STIM2: variants seen among roughly 807,000 people sequenced by gnomAD.
STIM2 encodes the protein stromal interaction molecule 2.
In STIM2, 31 loss-of-function variants were observed where a neutral mutation model predicts 85.8. The observed-to-expected ratio is 0.36, with a 90% CI of 0.27 to 0.49. The LOEUF (loss-of-function observed/expected upper bound fraction) is 0.49. Ranked by LOEUF, STIM2 falls within the 20% of genes least tolerant of loss-of-function variation. The pLI is 0.98. For synonymous variants in STIM2, 356 were observed against 331.1 expected (o/e 1.08, Z -0.82); for missense variants, 841 against 927.6 (o/e 0.91, Z 1.21).
intron 2 of STIM2, among the ~76,000 whole-genome samples, chr4:26,951,743 A>T (rs1323906079): frequency 6.6e-6 from 1 of 152,148 alleles, no homozygotes; most frequent in Non-Finnish European, 1.5e-5. Context: ...AGTGAATATT[A>T]ACATGAATAT....
chr4:26,958,963 GA>G (rs997090854), intron 3 of STIM2, among the ~76,000 whole-genome samples: 2 of 152,044 alleles, frequency 1.3e-5, no homozygotes, highest in African/African-American at 2.4e-5. Flanking sequence ...TTTGAATGAA[GA>G]AAAAAATATT....
chr4:26,930,249 G>C (rs1725155276), intron 2 of STIM2, among the ~76,000 whole-genome samples: 1 of 152,012 alleles, frequency 6.6e-6, no homozygotes, highest in Admixed American at 6.6e-5. Flanking sequence ...AGAAATTAAT[G>C]GTTTTGTTGC....
intron 2 of STIM2, among the ~76,000 whole-genome samples, chr4:26,936,319 T>A (rs1409453496): frequency 6.6e-6 from 1 of 152,248 alleles, no homozygotes; most frequent in Non-Finnish European, 1.5e-5. Context: ...ATTTACCAAC[T>A]GCTGTTGAGT....
intron 1 of STIM2, among the ~76,000 whole-genome samples, chr4:26,890,438 A>C (rs1577418778): frequency 6.6e-6 from 1 of 152,108 alleles, no homozygotes; most frequent in African/African-American, 2.4e-5. Flanking sequence ...GATAGCACCC[A>C]GTTCATAATG....
intron 1 of STIM2, among the ~76,000 whole-genome samples, chr4:26,876,789 G>C (rs528446302): frequency 1.3e-5 from 2 of 151,354 alleles, no homozygotes; most frequent in Non-Finnish European, 3.0e-5. Context: ...GGTTTTTTCT[G>C]TCTCTTACTG....
At chr4:27,020,104 C>T (rs1340001287) in intron 11 of STIM2, among the ~76,000 whole-genome samples, 1 of 152,150 alleles carries the variant, frequency 6.6e-6, no homozygotes, top group Non-Finnish European at 1.5e-5. Context: ...ATGGTAGGAC[C>T]ATCTTAGGAA....
At chr4:26,886,664 A>C (rs1723261991) in intron 1 of STIM2, among the ~76,000 whole-genome samples, 1 of 152,138 alleles carries the variant, frequency 6.6e-6, no homozygotes, top group African/African-American at 2.4e-5. Context: ...TGGAGAGAGT[A>C]ATAGATAGAT....
chr4:26,992,114 A>G (rs1425459503), intron 3 of STIM2, among the ~76,000 whole-genome samples: 1 of 152,144 alleles, frequency 6.6e-6, no homozygotes, highest in East Asian at 1.9e-4. Flanking sequence ...GTAATGAAAA[A>G]TCGCTTGTAC....
At position 27,024,233 on chromosome 4, in the gene STIM2, G is replaced by A. The variant is rs1729010325; in HGVS notation, c.*1237G>A. ...AAGTATGGTGTTCATTAAATTGGTG[G>A]GTTGTATAAGGGTAGCTTTTGTTGT... On this transcript the variant is annotated 3_prime_UTR_variant, in exon 12 of 12. Transcript: ENST00000467087. The A allele has an allele frequency of 6.6e-6, 1 of 152,008 alleles. No homozygotes were observed. The highest frequency in any genetic ancestry group is 2.4e-5 in the African/African-American group (1 of 41,372). The allele number at this position is 152,008 out of a possible 1,614,324, so 9.4% of individuals were successfully genotyped here. A position where few individuals can be genotyped will look rare whatever the true frequency, so the allele number is the denominator to read the frequency against.
intron 2 of STIM2, among the ~76,000 whole-genome samples, chr4:26,929,908 G>T (rs1387449849): frequency 6.6e-6 from 1 of 152,078 alleles, no homozygotes; most frequent in Non-Finnish European, 1.5e-5. Context: ...TGTTCTATAG[G>T]GTGGCAGGCA....
At position 26,995,376 on chromosome 4, in the gene STIM2, C is replaced by A. The variant is rs1466273033; in HGVS notation, c.398-3C>A. On this transcript the variant is annotated splice_region_variant and splice_polypyrimidine_tract_variant and intron_variant, in intron 3 of 11. Transcript: ENST00000467087. ...ATATGCATTCCCCTTTTATCTCCTG[C>A]AGTTCATAATTGGACCCTTGAAGAC... is the stretch of plus-strand genomic sequence containing the variant. The A allele has an allele frequency of 2.0e-6, 3 of 1,535,240 alleles. No individual in the cohort carries two copies. Among genetic ancestry groups the A allele is most frequent in the East Asian group, 2.4e-5 (1 of 41,834 alleles).
chr4:26,864,505 G>A (rs1443084209), intron 1 of STIM2, among the ~76,000 whole-genome samples: 1 of 152,010 alleles, frequency 6.6e-6, no homozygotes, highest in East Asian at 1.9e-4. Flanking sequence ...ACAAAAAAAT[G>A]CCGAATAATT....
intron 9 of STIM2, 74 bp from the exon 10 acceptor site, chr4:27,008,690 A>G (rs1728457947): frequency 7.1e-7 from 1 of 1,411,886 alleles, no homozygotes; most frequent in African/African-American, 1.4e-5. Flanking sequence ...TGGTCTGTTC[A>G]TGTATTGCCT....
intron 1 of STIM2, among the ~76,000 whole-genome samples, chr4:26,885,739 G>C (rs1560194433): frequency 6.7e-6 from 1 of 148,196 alleles, no homozygotes; most frequent in Non-Finnish European, 1.5e-5. Flanking sequence ...AGGCTATGTA[G>C]TTTATAAGAG....
At chr4:26,983,451 G>T (rs1727475696) in intron 3 of STIM2, among the ~76,000 whole-genome samples, 1 of 152,190 alleles carries the variant, frequency 6.6e-6, no homozygotes, top group Non-Finnish European at 1.5e-5. Flanking sequence ...TATATACCAG[G>T]TAAATGTAGC....
chr4:27,014,358 A>G (rs1728661749), intron 10 of STIM2, among the ~76,000 whole-genome samples: 1 of 151,914 alleles, frequency 6.6e-6, no homozygotes, highest in Admixed American at 6.6e-5. Context: ...AAGTTTTGAT[A>G]TATTAATTTG....
At chr4:26,963,304 G>A (rs1418930637) in intron 3 of STIM2, among the ~76,000 whole-genome samples, 1 of 152,002 alleles carries the variant, frequency 6.6e-6, no homozygotes. Context: ...TTTCTTCTGG[G>A]TATGAAAGTA....
chr4:26,889,287 A>G (rs969784863), intron 1 of STIM2, among the ~76,000 whole-genome samples: 2 of 152,222 alleles, frequency 1.3e-5, no homozygotes, highest in Admixed American at 6.5e-5. Context: ...TGAGTCTTCA[A>G]AAATCCATTC....
intron 2 of STIM2, among the ~76,000 whole-genome samples, chr4:26,933,428 A>T (rs1279940266): frequency 3.3e-5 from 5 of 152,310 alleles, no homozygotes; most frequent in African/African-American, 1.2e-4. Context: ...GCAAATGTGG[A>T]GAAACCTGTG....
Sources: allele counts gnomAD v4.1 joint callset (sites outside exome capture counted in the v4.1 genomes callset), GRCh38; gene constraint gnomAD v4.1.1; transcripts MANE v1.5; gene names NCBI Gene and HGNC (gene_info 2026-07-23, HGNC 2026-07-21).